Variants in SCN8A observed in about 807,000 individuals in gnomAD.
SCN8A encodes sodium voltage-gated channel alpha subunit 8.
A neutral mutation model predicts 184.1 loss-of-function variants in SCN8A; 30 were observed. That is an observed-to-expected ratio of 0.16 (90% CI 0.12 to 0.22). The LOEUF is 0.22. Ranked by LOEUF, SCN8A falls within the 10% of genes least tolerant of loss-of-function variation. The pLI, the probability that SCN8A is intolerant of heterozygous loss-of-function variation, is 1.00. For missense variants in SCN8A, 1,057 were observed against 2,498.9 expected (o/e 0.42, Z 12.30); for synonymous variants, 852 against 907.0 (o/e 0.94, Z 1.09).
chr12:51,704,249 C>T (rs1599913), intron 9 of SCN8A, among the ~76,000 whole-genome samples: 134,620 of 152,122 alleles, frequency 0.88, 59,814 homozygotes, highest in East Asian at 0.97. Flanking sequence ...GGGTTGCATG[C>T]ACATAACCTA....
intron 25 of SCN8A, among the ~76,000 whole-genome samples, chr12:51,792,279 T>A (rs1467850685): frequency 7.4e-6 from 1 of 135,610 alleles, no homozygotes; most frequent in Non-Finnish European, 1.5e-5. Flanking sequence ...CTAGGAGTTC[T>A]AGACCAGCCT....
chr12:51,770,599 G>A lies in SCN8A; in HGVS notation c.3561G>A (p.Leu1187=). 6.2e-7 allele frequency: 1 copy of A among 1,614,132 alleles called. No homozygotes were observed. Among genetic ancestry groups the A allele is most frequent in the Non-Finnish European group, 8.5e-7 (1 of 1,179,978 alleles). The change falls in exon 19 of 27, where the codon CTG becomes CTA. Residue 1187 remains leucine (L), a synonymous_variant. Coordinates refer to ENST00000627620, the MANE Select transcript of SCN8A (RefSeq NM_001330260.2). The stretch of plus-strand genomic sequence containing the variant: ...GGCTAGGCAAGTCTTGGTGGATCCT[G>A]CGGAAAACCTGCTTCCTCATCGTGG... ...EEGLGKSWWI[L]RKTCFLIVEH...
intron 12 of SCN8A, among the ~76,000 whole-genome samples, chr12:51,734,665 T>C (rs972075944): frequency 1.3e-5 from 2 of 152,152 alleles, no homozygotes; most frequent in Non-Finnish European, 2.9e-5. Context: ...TTATGGCCAG[T>C]TTTGGGGCCA....
chr12:51,786,150 G>A (rs1011867068), intron 21 of SCN8A, among the ~76,000 whole-genome samples: 2 of 152,166 alleles, frequency 1.3e-5, no homozygotes, highest in Non-Finnish European at 2.9e-5. Flanking sequence ...TTTTTCAGAG[G>A]GGGAATGTCT....
At chr12:51,651,967 A>G (rs1352554880) in intron 1 of SCN8A, among the ~76,000 whole-genome samples, 1 of 152,180 alleles carries the variant, frequency 6.6e-6, no homozygotes, top group Non-Finnish European at 1.5e-5. Context: ...AGCTGGTGGT[A>G]TTTGTGAATT....
chr12:51,799,847 A>G (rs1011636465), intron 26 of SCN8A, among the ~76,000 whole-genome samples: 1 of 152,218 alleles, frequency 6.6e-6, no homozygotes, highest in African/African-American at 2.4e-5. Flanking sequence ...CTTAGAAGGA[A>G]TATCTTGACA....
At position 51,646,871 on chromosome 12, in the gene SCN8A, C is replaced by A. The variant is rs766778769; in HGVS notation, c.-54-15893C>A. Among the ~76,000 whole-genome samples the A allele has an allele frequency of 8.8e-4, 134 of 152,106 alleles. 1 individual carries two copies. Among genetic ancestry groups the A allele is most frequent in the Non-Finnish European group, 2.9e-4 (20 of 68,020 alleles). ...GTCTGCAGGGCCAGGGAGATGGAAG[C>A]GGATACTAGTAGCTTGGTAGCTATA... On this transcript the variant is annotated intron_variant, in intron 1 of 26. Coordinates refer to ENST00000627620, the MANE Select transcript of SCN8A (RefSeq NM_001330260.2).
chr12:51,793,530 G>A (rs890159244), intron 25 of SCN8A, among the ~76,000 whole-genome samples: 12 of 152,274 alleles, frequency 7.9e-5, no homozygotes, highest in South Asian at 2.1e-4. Flanking sequence ...TAGGTATCAC[G>A]TAAGCAGCAG....
chr12:51,796,543 TAAG>T (rs1338514135), intron 26 of SCN8A, among the ~76,000 whole-genome samples: 1 of 152,150 alleles, frequency 6.6e-6, no homozygotes, highest in African/African-American at 2.4e-5. Context: ...CTTTTTAAAG[TAAG>T]AAATGTATTA....
rs1477846136 is a variant in SCN8A, at chr12:51,751,390, T to C, written c.2167T>C (p.Trp723Arg). Residue 723 changes from tryptophan (W) to arginine (R), a missense_variant, in exon 14 of 27, where the codon TGG (tryptophan) becomes CGG (arginine). By Grantham distance (101) the Trp-to-Arg change is moderately radical (BLOSUM62 -3). Coordinates refer to ENST00000627620, the MANE Select transcript of SCN8A (RefSeq NM_001330260.2). ...EESQRKCPPC[W>R]YKFANTFLIW... ...GTCTCAGAGAAAGTGCCCGCCATGC[T>C]GGTATAAATTTGCCAACACTTTCCT... is the stretch of plus-strand genomic sequence containing the variant. 1 of 1,613,888 alleles carries C rather than the reference T, an allele frequency of 6.2e-7. No homozygotes were observed. The highest frequency in any genetic ancestry group is 1.3e-5 in the African/African-American group (1 of 75,030).
chr12:51,743,653 A>C (rs1356840536), intron 12 of SCN8A, among the ~76,000 whole-genome samples: 1 of 152,202 alleles, frequency 6.6e-6, no homozygotes, highest in East Asian at 1.9e-4. Flanking sequence ...GTCTCGCCCA[A>C]GGCCCGCTGT....
intron 1 of SCN8A, among the ~76,000 whole-genome samples, chr12:51,636,882 C>T (rs561047360): frequency 6.6e-6 from 1 of 152,344 alleles, no homozygotes; most frequent in African/African-American, 2.4e-5. Context: ...AGGCATACCT[C>T]ATTTTATTGG....
intron 3 of SCN8A, 69 bp downstream of exon 3, chr12:51,684,361 T>C (rs1941385223): frequency 1.3e-6 from 1 of 795,058 alleles, no homozygotes; most frequent in South Asian, 1.4e-5. Flanking sequence ...TTCCAATATT[T>C]GACAACTGGA....
intron 2 of SCN8A, among the ~76,000 whole-genome samples, chr12:51,669,050 G>A (rs1941086408): frequency 6.6e-6 from 1 of 152,128 alleles, no homozygotes; most frequent in Admixed American, 6.5e-5. Flanking sequence ...GAATGCTGTA[G>A]ACATTTGTAA....
rs368449473 is a variant in SCN8A at position 51,807,087 on chromosome 12, G to C, written c.5601G>C (p.Gln1867His). The C allele has an allele frequency of 6.2e-7, 1 of 1,613,932 alleles. No individual in the cohort carries two copies. The highest frequency in any genetic ancestry group is 2.2e-5 in the East Asian group (1 of 44,892). Residue 1867 changes from glutamine to histidine, a missense_variant, in exon 27 of 27, where the codon CAG becomes CAC. Transcript: ENST00000627620. This position sits in a 1 kb window ranked among gnomAD's most constrained non-coding sequence, Gnocchi z 4.5. ...GCGGGGAGTTGGACATCCTGCGGCA[G>C]CAGATGGAAGAGCGGTTCGTGGCAT... is the stretch of plus-strand genomic sequence containing the variant. ...GDSGELDILR[Q>H]QMEERFVASN...
At chr12:51,609,276 C>T (rs186011852) in intron 1 of SCN8A, among the ~76,000 whole-genome samples, 26 of 152,166 alleles carry the variant, frequency 1.7e-4, no homozygotes, top group East Asian at 1.5e-3. Context: ...TGTTTAAATC[C>T]GTTGTTAAAT....
chr12:51,699,877 T>A, intron 7 of SCN8A, 86 bp downstream of exon 7: 2 of 1,227,952 alleles, frequency 1.6e-6, no homozygotes, highest in Non-Finnish European at 2.3e-6. Context: ...CTTAAAAAAG[T>A]AGTTGGAGGC....
intron 1 of SCN8A, among the ~76,000 whole-genome samples, chr12:51,617,321 T>G (rs1939862367): frequency 6.6e-6 from 1 of 152,140 alleles, no homozygotes; most frequent in South Asian, 2.1e-4. Context: ...CTCTCTCTTG[T>G]TCAGCTTGGA....
chr12:51,804,673 G>C (rs775000749), intron 26 of SCN8A, among the ~76,000 whole-genome samples: 1 of 152,074 alleles, frequency 6.6e-6, no homozygotes, highest in Non-Finnish European at 1.5e-5. Context: ...ACTGGGTTTT[G>C]CCATGTTGGC....
Sources: allele counts gnomAD v4.1 joint callset (sites outside exome capture counted in the v4.1 genomes callset), GRCh38; gene constraint gnomAD v4.1.1; non-coding constraint Gnocchi (gnomAD v3.1); transcripts MANE v1.5; gene names NCBI Gene and HGNC (gene_info 2026-07-23, HGNC 2026-07-21).